Variants in USHBP1 observed in about 807,000 individuals in gnomAD.
The protein encoded by USHBP1 is USH1 protein network component harmonin binding protein 1.
Under a neutral mutation model 76.2 loss-of-function variants are expected in USHBP1, and 67 were observed. The ratio of observed to expected loss-of-function variants is 0.88; its 90% CI spans 0.72 to 1.08. The LOEUF is 1.08. Ranked by LOEUF, USHBP1 falls within the 50% of genes least tolerant of loss-of-function variation. The pLI is 0.00. For synonymous variants in USHBP1, 322 were observed against 362.2 expected, an observed-to-expected ratio of 0.89 and a Z score of 1.26; for missense variants, 931 against 915.0, an observed-to-expected ratio of 1.02 and a Z score of -0.23.
intron 4 of USHBP1, among the ~76,000 whole-genome samples, chr19:17,261,044 G>A (rs1238615387): frequency 3.9e-5 from 6 of 152,096 alleles, no homozygotes; most frequent in Non-Finnish European, 7.4e-5. Context: ...CGCCACCAGA[G>A]GGCGCCTGTG....
chr19:17,249,857 G>C lies in USHBP1; in HGVS notation c.*368C>G, dbSNP rs1202230580. On this transcript the variant is annotated 3_prime_UTR_variant, in exon 13 of 13. Transcript: ENST00000252597. ...GGGCTGCCAGGAGAAGCTCTGTCCAGTCCCCATGAATCCCTCCCTGGGCTT... is the reference window on the plus strand; with the variant it reads ...GGGCTGCCAGGAGAAGCTCTGTCCACTCCCCATGAATCCCTCCCTGGGCTT... 1.9e-5 allele frequency: 5 copies of C among 264,430 alleles called. No individual in the cohort carries two copies. The highest frequency in any genetic ancestry group is 3.6e-5 in the Non-Finnish European group (5 of 137,306). The allele number at this position is 264,430 out of a possible 1,614,324, so 16.4% of individuals were successfully genotyped here.
intron 12 of USHBP1, among the ~76,000 whole-genome samples, chr19:17,250,751 A>T (rs2073540718): frequency 1.3e-5 from 2 of 150,910 alleles, no homozygotes; most frequent in African/African-American, 4.9e-5. Flanking sequence ...ACAGGGTTTG[A>T]CCATGTTGCC....
chr19:17,252,830 T>C (rs1172687332), intron 10 of USHBP1, among the ~76,000 whole-genome samples: 1 of 150,112 alleles, frequency 6.7e-6, no homozygotes, highest in Non-Finnish European at 1.5e-5. Context: ...GAGGTTGGAG[T>C]AAGCTGGGAT....
In USHBP1 at chr19:17,250,413, C is replaced by G. The variant is rs149330279; in HGVS notation, c.1924G>C (p.Ala642Pro). ...LNRDLCKAHSALVLAFRGAHR... is the reference protein window; with the variant it reads ...LNRDLCKAHSPLVLAFRGAHR... ...GCTCCTCGGAAGGCCAGGACCAGGG[C>G]GCTGGAAGGGGTGGGTGGCTGGGTC... The change falls in exon 13 of 13, where the codon GCC becomes CCC. Residue 642 changes from alanine (A) to proline (P), a missense_variant and splice_region_variant. Ala to Pro is a conservative substitution (Grantham distance 27). Transcript: ENST00000252597. 1.9e-6 allele frequency: 3 copies of G among 1,611,198 alleles called. No individual in the cohort carries two copies. The highest frequency in any genetic ancestry group is 2.7e-5 in the African/African-American group (2 of 74,794).
At position 17,258,265 on chromosome 19, in the gene USHBP1, C is replaced by T; in HGVS notation, c.1167G>A (p.Leu389=). 2 of 1,614,148 alleles carry T rather than the reference C, an allele frequency of 1.2e-6. No individual in the cohort carries two copies. Among genetic ancestry groups the T allele is most frequent in the South Asian group, 2.2e-5 (2 of 91,080 alleles). Residue 389 remains leucine, a synonymous_variant, in exon 8 of 13, where the codon CTG becomes CTA. Transcript: ENST00000252597. Reference sequence around the variant, plus strand: ...CATCCATGGCAGCCTCCTCTTGTGCCAGCAGCCTCCATGCTTCCTTTTCAG... The same window carrying T: ...CATCCATGGCAGCCTCCTCTTGTGCTAGCAGCCTCCATGCTTCCTTTTCAG... ...QAAEKEAWRL[L]AQEEAAMDAG...
chr19:17,264,107 GC>G lies in USHBP1; in HGVS notation c.97del (p.Ala33GlnfsTer15), dbSNP rs780812533. On this transcript the variant is annotated frameshift_variant, in exon 3 of 13. Transcript: ENST00000252597. LOFTEE classifies it high-confidence loss of function. ...PVAESSEEVE[A>X]ASGSSKPSFA... ...GCTGGGCTTGGAGCTCCCACTGGCT[GC>G]CTCGACCTCCTCTGAACTCTCAGCC... 1 of 1,614,106 alleles carries G rather than the reference GC, an allele frequency of 6.2e-7. No homozygotes were observed. Among genetic ancestry groups the G allele is most frequent in the Admixed American group, 1.7e-5 (1 of 60,012 alleles).
At chr19:17,261,950 G>C (rs988004216) in intron 4 of USHBP1, among the ~76,000 whole-genome samples, 1 of 151,324 alleles carries the variant, frequency 6.6e-6, no homozygotes, top group Non-Finnish European at 1.5e-5. Flanking sequence ...CTCCCAAAGT[G>C]CTGGTGTAGA....
At chr19:17,261,885 A>T (rs1227890346) in intron 4 of USHBP1, among the ~76,000 whole-genome samples, 1 of 151,050 alleles carries the variant, frequency 6.6e-6, no homozygotes, top group Non-Finnish European at 1.5e-5. Context: ...AGGTTTCACC[A>T]TGTTGGCCAG....
In USHBP1 at chr19:17,250,067, A is replaced by T. The variant is rs977623723; in HGVS notation, c.*158T>A. On this transcript the variant is annotated 3_prime_UTR_variant, in exon 13 of 13. Transcript: ENST00000252597. ...CTGAGTCTTTCTTCATTGCCTGGCC[A>T]CACCCCATCAGGCCCTGGACACCCA... 20 of 763,392 alleles carry T rather than the reference A, an allele frequency of 2.6e-5. No homozygotes were observed. The highest frequency in any genetic ancestry group is 4.1e-5 in the Non-Finnish European group (20 of 488,902). 47.3% of individuals were successfully genotyped at this position (763,392 alleles called of 1,614,324 possible). A position where few individuals can be genotyped will look rare whatever the true frequency, so the allele number is the denominator to read the frequency against.
chr19:17,262,072 C>A (rs989827954), intron 4 of USHBP1, among the ~76,000 whole-genome samples: 20 of 147,346 alleles, frequency 1.4e-4, no homozygotes, highest in African/African-American at 5.1e-4. Flanking sequence ...ACGATCTCAG[C>A]TGACTGCCAT....
At chr19:17,256,868 T>C in intron 8 of USHBP1, 148 bp from the exon 9 acceptor site, 1 of 1,198,830 alleles carries the variant, frequency 8.3e-7, no homozygotes. Flanking sequence ...CACACCAACA[T>C]ACCCCACTAG....
chr19:17,252,903 A>AAAAAAC (rs1255863205), intron 10 of USHBP1, among the ~76,000 whole-genome samples: 2 of 152,042 alleles, frequency 1.3e-5, no homozygotes, highest in African/African-American at 4.8e-5. Flanking sequence ...AAAAACAACA[A>AAAAAAC]AAAAACAAAA....
intron 10 of USHBP1, among the ~76,000 whole-genome samples, chr19:17,255,101 C>T (rs1024706081): frequency 6.6e-6 from 1 of 151,812 alleles, no homozygotes; most frequent in African/African-American, 2.4e-5. Context: ...ACATGGTGAA[C>T]TGCAACTCTA....
chr19:17,251,166 G>GTTTTTTTTTTTTTTTT (rs1315942809), intron 12 of USHBP1, among the ~76,000 whole-genome samples: 1 of 66,450 alleles, frequency 1.5e-5, no homozygotes, highest in Non-Finnish European at 2.6e-5. Context: ...GGCCCAGCCT[G>GTTTTTTTTTTTTTTTT]TTGTTTTTTT....
chr19:17,259,873 T>C (rs1309432272), intron 5 of USHBP1, 24 bp downstream of exon 5: 1 of 1,606,904 alleles, frequency 6.2e-7, no homozygotes, highest in Admixed American at 1.7e-5. Flanking sequence ...ATCAAGACCA[T>C]GGGATTGAAC....
Position 17,258,341 on chromosome 19 carries a change from T to C in USHBP1, c.1091A>G (p.Glu364Gly). Reference sequence around the variant, plus strand: ...TTCGTCTCCTGCTCCTGAGTCGGCCTCCCGCAGAGCAAGCAGAACCCTGTA... The same window carrying C: ...TTCGTCTCCTGCTCCTGAGTCGGCCCCCCGCAGAGCAAGCAGAACCCTGTA... ...EAYRVLLALR[E>G]ADSGAGDEAP... Residue 364 changes from glutamate to glycine, a missense_variant, in exon 8 of 13, where the codon GAG becomes GGG. Transcript: ENST00000252597. The C allele has an allele frequency of 6.2e-7, 1 of 1,614,000 alleles. No individual in the cohort carries two copies. The highest frequency in any genetic ancestry group is 2.2e-5 in the East Asian group (1 of 44,886).
rs1010195536 is a variant in USHBP1 at position 17,252,168 on chromosome 19, A to G, written c.1693-151T>C. ...GATATACCAATAAGAGCAAAATTAT[A>G]CTCTGATAAGGGAAATATCCTATTT... On this transcript the variant is annotated intron_variant, in intron 10 of 12. Coordinates refer to ENST00000252597, the MANE Select transcript of USHBP1 (RefSeq NM_031941.4). The G allele has an allele frequency of 4.8e-5, 34 of 705,920 alleles. 1 individual carries two copies. The Admixed American group carries it at 5.1e-4, about 11-fold the overall frequency. 43.7% of individuals were successfully genotyped at this position (705,920 alleles called of 1,614,324 possible).
At chr19:17,258,180 C>G (rs767522800) in intron 8 of USHBP1, 32 bp downstream of exon 8, 3 of 1,611,726 alleles carry the variant, frequency 1.9e-6, no homozygotes, top group Admixed American at 3.3e-5. Context: ...CACTCCTCAA[C>G]CAGGCCAGTT....
At chr19:17,251,023 G>T (rs1245429699) in intron 12 of USHBP1, among the ~76,000 whole-genome samples, 1 of 151,742 alleles carries the variant, frequency 6.6e-6, no homozygotes, top group Non-Finnish European at 1.5e-5. Flanking sequence ...ACCACGCCTG[G>T]CTAATTTTGT....
Sources: allele counts gnomAD v4.1 joint callset (sites outside exome capture counted in the v4.1 genomes callset), GRCh38; gene constraint gnomAD v4.1.1; transcripts MANE v1.5; gene names NCBI Gene and HGNC (gene_info 2026-07-23, HGNC 2026-07-21).